The following MAD1L1 variants were observed in gnomAD, a reference collection of about 807,000 sequenced individuals.
The protein encoded by MAD1L1 is mitotic arrest deficient 1 like 1, also known as mitotic spindle assembly checkpoint protein MAD1.
In MAD1L1, 95 loss-of-function variants were observed where a neutral mutation model predicts 96.9. That is an observed-to-expected ratio of 0.98 (90% CI 0.83 to 1.16). The LOEUF (loss-of-function observed/expected upper bound fraction) is 1.16. Among genes scored for constraint, MAD1L1 ranks in the 50% most tolerant of loss-of-function variants. The pLI is 0.00. For missense variants in MAD1L1, 1,007 were observed against 954.4 expected, an observed-to-expected ratio of 1.06 and a Z score of -0.73; for synonymous variants, 473 against 396.6, an observed-to-expected ratio of 1.19 and a Z score of -2.29.
At chr7:2,050,555 G>A (rs867994838) in intron 12 of MAD1L1, among the ~76,000 whole-genome samples, 1 of 152,212 alleles carries the variant, frequency 6.6e-6, no homozygotes, top group African/African-American at 2.4e-5. Flanking sequence ...CCGGCCTGGA[G>A]AAAGTCCAGA....
intron 18 of MAD1L1, among the ~76,000 whole-genome samples, chr7:1,845,097 C>A (rs1369605346): frequency 1.3e-5 from 2 of 152,238 alleles, no homozygotes; most frequent in African/African-American, 4.8e-5. Context: ...GCGGGGAGAG[C>A]AGAGCGAAGG....
At chr7:1,835,397 T>C (rs1308545134) in intron 18 of MAD1L1, among the ~76,000 whole-genome samples, 5 of 152,264 alleles carry the variant, frequency 3.3e-5, no homozygotes, top group African/African-American at 7.2e-5. Context: ...GATAATATCA[T>C]TGTCTAAGGA....
chr7:2,222,464 C>A (rs761439384), intron 5 of MAD1L1, 111 bp downstream of exon 5: 13 of 896,350 alleles, frequency 1.5e-5, no homozygotes, highest in African/African-American at 1.7e-5. Context: ...ACGCAGCTGC[C>A]CGTGTGGGAA....
At chr7:1,931,162 C>T (rs1249876140) in intron 17 of MAD1L1, among the ~76,000 whole-genome samples, 2 of 107,920 alleles carry the variant, frequency 1.9e-5, no homozygotes, top group African/African-American at 7.5e-5. Context: ...CCTCACCCCA[C>T]GCACGGTCAC....
intron 11 of MAD1L1, among the ~76,000 whole-genome samples, chr7:2,078,864 G>A (rs1013552999): frequency 4.6e-5 from 7 of 152,214 alleles, no homozygotes; most frequent in Non-Finnish European, 7.3e-5. Flanking sequence ...AAGGACAAAG[G>A]GGCTCAGAAG....
intron 10 of MAD1L1, among the ~76,000 whole-genome samples, chr7:2,203,435 AT>A (rs1289163405): frequency 6.6e-6 from 1 of 152,256 alleles, no homozygotes; most frequent in East Asian, 1.9e-4. Context: ...CACAGCACTC[AT>A]GCTTTTCGGG....
intron 18 of MAD1L1, among the ~76,000 whole-genome samples, chr7:1,870,923 C>T (rs1785043491): frequency 6.7e-6 from 1 of 149,304 alleles, no homozygotes; most frequent in Non-Finnish European, 1.5e-5. Context: ...CCACGCTGAA[C>T]CCAACATACG....
chr7:2,078,821 A>G (rs935251317), intron 11 of MAD1L1, among the ~76,000 whole-genome samples: 2 of 152,206 alleles, frequency 1.3e-5, no homozygotes, highest in African/African-American at 2.4e-5. Flanking sequence ...CTGGGAGGAC[A>G]GCGGCAGCAC....
At position 2,128,494 on chromosome 7, in the gene MAD1L1, G is replaced by A. The variant is rs142278344; in HGVS notation, c.1073+20658C>T. Among the ~76,000 whole-genome samples, 13 of 152,312 alleles carry A rather than the reference G, an allele frequency of 8.5e-5. No homozygotes were observed. The East Asian group carries it at 1.7e-3, about 20-fold the overall frequency. On this transcript the variant is annotated intron_variant, in intron 11 of 18. Coordinates refer to ENST00000265854, the MANE Select transcript of MAD1L1 (RefSeq NM_001013836.2). ...GGAAGGCTGCTTCTGGAAGATGGCC[G>A]TTCAGGAGAGGCCAGGTGACCTGCC...
At chr7:1,840,615 G>A (rs1274946567) in intron 18 of MAD1L1, among the ~76,000 whole-genome samples, 1 of 152,208 alleles carries the variant, frequency 6.6e-6, no homozygotes, top group Non-Finnish European at 1.5e-5. Context: ...TGTAATCCCA[G>A]CTACTCGGGA....
chr7:1,866,541 G>T (rs777812228), intron 18 of MAD1L1, among the ~76,000 whole-genome samples: 2 of 152,204 alleles, frequency 1.3e-5, no homozygotes, highest in Non-Finnish European at 2.9e-5. Context: ...CTGAGGAGAG[G>T]TCTTAAGTGG....
chr7:2,025,317 G>A (rs895411834), intron 12 of MAD1L1, among the ~76,000 whole-genome samples: 18 of 152,212 alleles, frequency 1.2e-4, no homozygotes, highest in African/African-American at 3.4e-4. Flanking sequence ...TAACTTAAAA[G>A]AAGCAACAGT....
intron 10 of MAD1L1, among the ~76,000 whole-genome samples, chr7:2,157,092 G>A (rs567806529): frequency 8.5e-5 from 13 of 152,296 alleles, no homozygotes; most frequent in South Asian, 4.1e-4. Flanking sequence ...CTGGAAACTC[G>A]AACACCTGAA....
intron 11 of MAD1L1, among the ~76,000 whole-genome samples, chr7:2,093,066 T>C (rs1786295426): frequency 6.7e-6 from 1 of 149,672 alleles, no homozygotes; most frequent in Admixed American, 6.7e-5. Flanking sequence ...TGAAACCCCG[T>C]CTCTACAAAA....
intron 18 of MAD1L1, among the ~76,000 whole-genome samples, chr7:1,896,238 G>A (rs1286560306): frequency 6.6e-6 from 1 of 152,240 alleles, no homozygotes; most frequent in East Asian, 1.9e-4. Flanking sequence ...CAGGCCATGG[G>A]GGCTGAAAGT....
chr7:1,854,737 C>A (rs1386085454), intron 18 of MAD1L1, among the ~76,000 whole-genome samples: 3 of 152,218 alleles, frequency 2.0e-5, no homozygotes, highest in East Asian at 3.9e-4. Context: ...ACCCCAGCAG[C>A]CCCAACAGTC....
intron 15 of MAD1L1, among the ~76,000 whole-genome samples, chr7:1,963,521 T>C (rs542839222): frequency 6.6e-6 from 1 of 152,290 alleles, no homozygotes; most frequent in East Asian, 1.9e-4. Context: ...TATGTGTGTG[T>C]ACATGCAAAT....
intron 16 of MAD1L1, among the ~76,000 whole-genome samples, chr7:1,954,352 C>T (rs1272991228): frequency 6.6e-6 from 1 of 152,106 alleles, no homozygotes; most frequent in Non-Finnish European, 1.5e-5. Context: ...TGTGGCCCAC[C>T]CCAGGCTGTG....
At chr7:1,844,333 AGCT>A in intron 18 of MAD1L1, 1 of 152,868 alleles carries the variant, frequency 6.5e-6, no homozygotes, top group Non-Finnish European at 1.5e-5. Context: ...AGGGAGCCCC[AGCT>A]GCTGCTGCTG....
Sources: allele counts gnomAD v4.1 joint callset (sites outside exome capture counted in the v4.1 genomes callset), GRCh38; gene constraint gnomAD v4.1.1; transcripts MANE v1.5; gene names NCBI Gene and HGNC (gene_info 2026-07-23, HGNC 2026-07-21).